GRIK5: variants seen among roughly 807,000 people sequenced by gnomAD.
The protein encoded by GRIK5 is glutamate ionotropic receptor kainate type subunit 5.
In GRIK5, 43 loss-of-function variants were observed where a neutral mutation model predicts 97.4. That is an observed-to-expected ratio of 0.44 (90% confidence interval 0.35 to 0.57). The LOEUF is 0.57. Ranked by LOEUF, GRIK5 falls within the 20% of genes least tolerant of loss-of-function variation. GRIK5 has a pLI of 0.01. For missense variants in GRIK5, 1,015 were observed against 1,382.0 expected, an observed-to-expected ratio of 0.73 and a Z score of 4.21; for synonymous variants, 580 against 583.5, an observed-to-expected ratio of 0.99 and a Z score of 0.09.
At position 42,022,767 on chromosome 19, in the gene GRIK5, G is replaced by A. The variant is rs1444324459; in HGVS notation, c.1474-413C>T. On this transcript the variant is annotated intron_variant, in intron 12 of 19. Transcript: ENST00000593562. The surrounding 1 kb of genome is among the most constrained non-coding windows in gnomAD (Gnocchi z 4.2). ...GACAGAACACAGAGCAGGGAGAGAG[G>A]AGGCAGGGCCCAGAAATGACCCCGG... 4.6e-6 allele frequency: 3 copies of A among 651,438 alleles called. No individual in the cohort carries two copies. The highest frequency in any genetic ancestry group is 1.4e-4 in the East Asian group (1 of 7,292). 40.4% of individuals were successfully genotyped at this position (651,438 alleles called of 1,614,324 possible). A position where few individuals can be genotyped will look rare whatever the true frequency, so the allele number is the denominator to read the frequency against.
At chr19:42,043,150 C>G (rs2076000156) in intron 11 of GRIK5, among the ~76,000 whole-genome samples, 1 of 152,174 alleles carries the variant, frequency 6.6e-6, no homozygotes. Context: ...TACCCTGCAA[C>G]CTAATTCACC....
At position 42,003,770 on chromosome 19, in the gene GRIK5, C is replaced by T. The variant is rs1183713287; in HGVS notation, c.2264-87G>A. On this transcript the variant is annotated intron_variant, in intron 17 of 19. Transcript: ENST00000593562. The surrounding 1 kb of genome is among the most constrained non-coding windows in gnomAD (Gnocchi z 4.2). ...CCCCAAACTGTGCCCTCACCACGGC[C>T]TTCCCCCGCCTCTACCACGTGCCCA... 7.2e-7 allele frequency: 1 copy of T among 1,389,032 alleles called. No homozygotes were observed. The highest frequency in any genetic ancestry group is 9.5e-7 in the Non-Finnish European group (1 of 1,052,662). The allele number at this position is 1,389,032 out of a possible 1,614,324, so 86.0% of individuals were successfully genotyped here.
intron 12 of GRIK5, among the ~76,000 whole-genome samples, chr19:42,038,268 C>A (rs376193647): frequency 6.1e-4 from 93 of 152,286 alleles, no homozygotes; most frequent in African/African-American, 2.2e-3. Context: ...TCAGCCATGG[C>A]CACTGGGTGG....
Position 41,999,335 on chromosome 19 carries a change from G to A in GRIK5, c.2515-36C>T. 1 of 1,465,570 alleles carries A rather than the reference G, an allele frequency of 6.8e-7. No individual in the cohort carries two copies. The highest frequency in any genetic ancestry group is 9.0e-7 in the Non-Finnish European group (1 of 1,108,094). 90.8% of individuals were successfully genotyped at this position (1,465,570 alleles called of 1,614,324 possible). On this transcript the variant is annotated intron_variant, in intron 19 of 19. Coordinates refer to ENST00000593562, the MANE Select transcript of GRIK5 (RefSeq NM_002088.5). This position sits in a 1 kb window ranked among gnomAD's most constrained non-coding sequence, Gnocchi z 5.0. ...CGCGGGCGGTCACCGTCCCGGCGCA[G>A]TCCGCCTCCCGCCTCCCCCAGCCCC...
In GRIK5 at chr19:42,042,361, C is replaced by T. The variant is rs1303723289; in HGVS notation, c.1473+191G>A. 1.3e-5 allele frequency among the ~76,000 whole-genome samples: 2 copies of T among 152,222 alleles called. No homozygotes were observed. Among genetic ancestry groups the T allele is most frequent in the African/African-American group, 4.8e-5 (2 of 41,464 alleles). ...GCATGTACCACCTCTCCTCCTCTGTCCCATCCCACAGCACCCGCCAGGCAC... is the reference window on the plus strand; with the variant it reads ...GCATGTACCACCTCTCCTCCTCTGTTCCATCCCACAGCACCCGCCAGGCAC... On this transcript the variant is annotated intron_variant, in intron 12 of 19. Coordinates refer to ENST00000593562, the MANE Select transcript of GRIK5 (RefSeq NM_002088.5). This position sits in a 1 kb window ranked among gnomAD's most constrained non-coding sequence, Gnocchi z 6.9.
chr19:42,019,894 G>C (rs1174526284), intron 15 of GRIK5, among the ~76,000 whole-genome samples: 3 of 152,118 alleles, frequency 2.0e-5, no homozygotes, highest in African/African-American at 7.2e-5. Context: ...AGAACTATAG[G>C]ATAATGTGTA....
chr19:42,056,049 G>A (rs371584101), intron 8 of GRIK5, among the ~76,000 whole-genome samples: 98 of 150,394 alleles, frequency 6.5e-4, no homozygotes, highest in African/African-American at 2.2e-3. Flanking sequence ...GCAATGGCAC[G>A]ATCTCAGCTC....
At chr19:42,010,781 T>C (rs1047745037) in intron 15 of GRIK5, among the ~76,000 whole-genome samples, 11 of 152,286 alleles carry the variant, frequency 7.2e-5, no homozygotes, top group Admixed American at 3.3e-4. Context: ...AGAAAAGATA[T>C]ATTCCTCACT....
In GRIK5 at chr19:41,998,914, C is replaced by G. The variant is rs1483500184; in HGVS notation, c.2900G>C (p.Arg967Pro). ...CTCCCGGGGGCCGGCGGGGCCAGGC[C>G]GCGGCCGGGGCGGGCTGGTGGCTTC... is the stretch of plus-strand genomic sequence containing the variant. ...PAEATSPPRP[R>P]PGPAGPRELA... is the part of the protein sequence containing the mutation. The change falls in exon 20 of 20, where the codon CGG becomes CCG. Residue 967 changes from arginine to proline, a missense_variant. Transcript: ENST00000593562. The G allele has an allele frequency of 8.9e-7, 1 of 1,120,846 alleles. No homozygotes were observed. The highest frequency in any genetic ancestry group is 1.7e-5 in the African/African-American group (1 of 60,206). The allele number at this position is 1,120,846 out of a possible 1,614,324, so 69.4% of individuals were successfully genotyped here.
At position 42,065,470 on chromosome 19, in the gene GRIK5, G is replaced by A. The variant is rs994489651; in HGVS notation, c.80-83C>T. 1.2e-5 allele frequency: 17 copies of A among 1,391,132 alleles called. No homozygotes were observed. The highest frequency in any genetic ancestry group is 7.1e-5 in the African/African-American group (5 of 69,964). 86.2% of individuals were successfully genotyped at this position (1,391,132 alleles called of 1,614,324 possible). A position where few individuals can be genotyped will look rare whatever the true frequency, so the allele number is the denominator to read the frequency against. ...GTGGTCTTAGACTCCAGGGCTCTAG[G>A]GTGAGGTGGGTATACGGACCAGGGG... is the stretch of plus-strand genomic sequence containing the variant. On this transcript the variant is annotated intron_variant, in intron 2 of 19. Transcript: ENST00000593562. The surrounding 1 kb of genome is among the most constrained non-coding windows in gnomAD (Gnocchi z 5.8).
At position 42,003,156 on chromosome 19, in the gene GRIK5, C is replaced by T. The variant is rs899701378; in HGVS notation, c.2514+176G>A. The stretch of plus-strand genomic sequence containing the variant: ...GCCTACTTTCCCTCCTGTTCTTCCT[C>T]ACGCGCTGATTCTCTGGCCCCATCA... On this transcript the variant is annotated intron_variant, in intron 19 of 19. Transcript: ENST00000593562. The surrounding 1 kb of genome is among the most constrained non-coding windows in gnomAD (Gnocchi z 4.2). Among the ~76,000 whole-genome samples, 15 of 152,102 alleles carry T rather than the reference C, an allele frequency of 9.9e-5. No individual in the cohort carries two copies. Among genetic ancestry groups the T allele is most frequent in the Non-Finnish European group, 1.5e-4 (10 of 68,022 alleles).
chr19:42,064,027 T>C (rs986559044), intron 3 of GRIK5, among the ~76,000 whole-genome samples: 2 of 152,098 alleles, frequency 1.3e-5, no homozygotes, highest in African/African-American at 4.8e-5. Flanking sequence ...TTGCCTTCAA[T>C]CTCTCTCCTG....
chr19:42,065,080 G>C lies in GRIK5; in HGVS notation c.244+143C>G. 1 of 717,086 alleles carries C rather than the reference G, an allele frequency of 1.4e-6. No homozygotes were observed. Among genetic ancestry groups the C allele is most frequent in the Non-Finnish European group, 2.2e-6 (1 of 446,768 alleles). The allele number at this position is 717,086 out of a possible 1,614,324, so 44.4% of individuals were successfully genotyped here. On this transcript the variant is annotated intron_variant, in intron 3 of 19. Transcript: ENST00000593562. The surrounding 1 kb of genome is among the most constrained non-coding windows in gnomAD (Gnocchi z 5.8). The stretch of plus-strand genomic sequence containing the variant: ...CCAGGCCCAGCAGCAGCCATGTCTG[G>C]GAAGAAGGCAGAGACAAACACAAAG...
chr19:42,051,675 T>C (rs1395599728), intron 11 of GRIK5, among the ~76,000 whole-genome samples: 1 of 152,220 alleles, frequency 6.6e-6, no homozygotes, highest in Non-Finnish European at 1.5e-5. Context: ...GGCACCCAGT[T>C]TGAGTCACAT....
Position 42,059,607 on chromosome 19 carries a change from G to A in GRIK5, c.509-80C>T, listed in dbSNP as rs926304970. ...GTAGACACTCTCTCCTCCTCAACAT[G>A]GGGCAGCTGGGCAGAGGACTGGAGG... is the stretch of plus-strand genomic sequence containing the variant. On this transcript the variant is annotated intron_variant, in intron 5 of 19. Coordinates refer to ENST00000593562, the MANE Select transcript of GRIK5 (RefSeq NM_002088.5). 20 of 1,234,352 alleles carry A rather than the reference G, an allele frequency of 1.6e-5. No individual in the cohort carries two copies. The African/African-American group carries it at 2.8e-4, about 17-fold the overall frequency. The allele number at this position is 1,234,352 out of a possible 1,614,324, so 76.5% of individuals were successfully genotyped here.
At chr19:42,035,434 T>C (rs1481661087) in intron 12 of GRIK5, among the ~76,000 whole-genome samples, 2 of 152,114 alleles carry the variant, frequency 1.3e-5, no homozygotes, top group Non-Finnish European at 2.9e-5. Flanking sequence ...AGGCTGGGCA[T>C]GGTGGCTTAC....
chr19:42,005,084 T>C (rs549619507), intron 17 of GRIK5, among the ~76,000 whole-genome samples: 1 of 152,150 alleles, frequency 6.6e-6, no homozygotes, highest in South Asian at 2.1e-4. Flanking sequence ...TAAATGATTT[T>C]AAAAGCCAAA....
At chr19:42,027,560 G>C (rs1295677701) in intron 12 of GRIK5, among the ~76,000 whole-genome samples, 1 of 152,220 alleles carries the variant, frequency 6.6e-6, no homozygotes, top group Non-Finnish European at 1.5e-5. Context: ...TGTCATATAG[G>C]AAGGTGTGAA....
intron 11 of GRIK5, among the ~76,000 whole-genome samples, 200 bp downstream of exon 11, chr19:42,053,402 G>C (rs1223271340): frequency 6.6e-6 from 1 of 152,220 alleles, no homozygotes; most frequent in Non-Finnish European, 1.5e-5. Context: ...CTGGCCCTGA[G>C]GGCAGTCTGC....
Sources: gnomAD v4.1 joint callset for allele counts (sites outside exome capture counted in the v4.1 genomes callset) on GRCh38, gnomAD v4.1.1 for gene constraint, Gnocchi (gnomAD v3.1) non-coding constraint, MANE v1.5 for transcripts, NCBI Gene and HGNC (gene_info 2026-07-23, HGNC 2026-07-21) for gene names.